UST: variants seen among roughly 807,000 people sequenced by gnomAD.
The protein encoded by UST is uronyl 2-sulfotransferase, also known as chondroitin sulfate 2-O-sulfotransferase.
Under a neutral mutation model 45.6 loss-of-function variants are expected in UST, and 21 were observed. The ratio of observed to expected loss-of-function variants is 0.46; its 90% confidence interval spans 0.33 to 0.66. The LOEUF is 0.66. UST is among the 30% of genes least tolerant of loss of function. The pLI is 0.02. For missense variants in UST, 463 were observed against 512.4 expected (o/e 0.90, Z 0.93); for synonymous variants, 215 against 200.6 (o/e 1.07, Z -0.61).
At chr6:148,904,632 T>G (rs530010369) in intron 2 of UST, among the ~76,000 whole-genome samples, 3 of 152,234 alleles carry the variant, frequency 2.0e-5, no homozygotes, top group African/African-American at 7.2e-5. Flanking sequence ...CAAGCGATTC[T>G]CCTGCCTCAG....
intron 1 of UST, among the ~76,000 whole-genome samples, chr6:148,841,882 A>G (rs1183091456): frequency 6.6e-6 from 1 of 152,208 alleles, no homozygotes; most frequent in East Asian, 1.9e-4. Flanking sequence ...AGGTGGGCAG[A>G]TCACCTGCGG....
chr6:149,057,544 G>A (rs535070817), intron 7 of UST, among the ~76,000 whole-genome samples: 87 of 152,252 alleles, frequency 5.7e-4, no homozygotes, highest in South Asian at 1.9e-3. Context: ...TTGACCTTAG[G>A]GAAACAAGCA....
chr6:148,835,874 A>G lies in UST; in HGVS notation c.248-51112A>G, dbSNP rs559616743. 9.2e-5 allele frequency among the ~76,000 whole-genome samples: 14 copies of G among 152,248 alleles called. No homozygotes were observed. The East Asian group carries it at 2.5e-3, about 27-fold the overall frequency. ...ATTTATGGCTGTTTTTTAAAAAGGG[A>G]TGTTAGAAACTTTGGTTAATTTAAA... On this transcript the variant is annotated intron_variant, in intron 1 of 7. Coordinates refer to ENST00000367463, the MANE Select transcript of UST (RefSeq NM_005715.3).
intron 7 of UST, among the ~76,000 whole-genome samples, chr6:149,036,073 G>A (rs1263970827): frequency 1.3e-5 from 2 of 152,176 alleles, no homozygotes; most frequent in Admixed American, 1.3e-4. Flanking sequence ...CCCAGTGCTG[G>A]GATTTTAGCC....
chr6:148,930,250 C>A (rs1209252900), intron 2 of UST, among the ~76,000 whole-genome samples: 2 of 152,194 alleles, frequency 1.3e-5, no homozygotes, highest in Non-Finnish European at 2.9e-5. Context: ...ATTGTGAGTT[C>A]TTACAGGGCA....
chr6:148,806,502 T>TA (rs1374382742), intron 1 of UST, among the ~76,000 whole-genome samples: 2 of 151,578 alleles, frequency 1.3e-5, no homozygotes, highest in African/African-American at 4.8e-5. Context: ...CTGGCTTTTT[T>TA]TTTTTGGTAT....
Position 148,993,956 on chromosome 6 carries a change from C to CTTTTTT in UST, c.682-25160_682-25155dup, listed in dbSNP as rs57552256. Among the ~76,000 whole-genome samples, 434 of 95,364 alleles carry CTTTTTT rather than the reference C, an allele frequency of 4.6e-3. 35 individuals carry two copies. The highest frequency in any genetic ancestry group is 0.016 in the African/African-American group (346 of 21,862). 62.6% of individuals were successfully genotyped at this position (95,364 alleles called of 152,430 possible). ...TTACCCAGTCTTGAATATTTCTTTC[C>CTTTTTT]TTTTTTTTTTTTTTTTTTTTTTTTT... On this transcript the variant is annotated intron_variant, in intron 5 of 7. Coordinates refer to ENST00000367463, the MANE Select transcript of UST (RefSeq NM_005715.3).
rs1471712916 is a variant in UST at position 148,790,567 on chromosome 6, T to C, written c.247+42890T>C. On this transcript the variant is annotated intron_variant, in intron 1 of 7. Transcript: ENST00000367463. The surrounding 1 kb of genome is among the most constrained non-coding windows in gnomAD (Gnocchi z 4.2). The stretch of plus-strand genomic sequence containing the variant: ...TGCACTGTTAAGGTGCTGTAGCGGA[T>C]GCTGTGATGTGCCACCGTTCAGAGA... Among the ~76,000 whole-genome samples, 1 of 152,190 alleles carries C rather than the reference T, an allele frequency of 6.6e-6. No individual in the cohort carries two copies. Among genetic ancestry groups the C allele is most frequent in the Non-Finnish European group, 1.5e-5 (1 of 68,012 alleles).
intron 6 of UST, among the ~76,000 whole-genome samples, chr6:149,019,448 C>T (rs906320350): frequency 2.6e-5 from 4 of 152,192 alleles, no homozygotes; most frequent in Admixed American, 2.6e-4. Flanking sequence ...GTAGAGGCCT[C>T]AGGAGACCAC....
At position 148,790,185 on chromosome 6, in the gene UST, C is replaced by T. The variant is rs763512944; in HGVS notation, c.247+42508C>T. On this transcript the variant is annotated intron_variant, in intron 1 of 7. Transcript: ENST00000367463. The surrounding 1 kb of genome is among the most constrained non-coding windows in gnomAD (Gnocchi z 4.2). Reference sequence around the variant, plus strand: ...GTTCATGTAGCGTCTCCTCCTAAGGCGGCAGCCTCGCTGGGTGGATTGAGT... The same window carrying T: ...GTTCATGTAGCGTCTCCTCCTAAGGTGGCAGCCTCGCTGGGTGGATTGAGT... Among the ~76,000 whole-genome samples the T allele has an allele frequency of 1.1e-4, 17 of 152,266 alleles. 1 individual carries two copies. Among genetic ancestry groups the T allele is most frequent in the Admixed American group, 5.9e-4 (9 of 15,304 alleles).
chr6:148,816,417 A>G (rs549120930), intron 1 of UST, among the ~76,000 whole-genome samples: 1 of 152,332 alleles, frequency 6.6e-6, no homozygotes, highest in East Asian at 1.9e-4. Context: ...AGAATAATTA[A>G]ATTCCAAATT....
intron 1 of UST, among the ~76,000 whole-genome samples, chr6:148,778,099 T>G (rs1350820403): frequency 6.6e-6 from 1 of 152,190 alleles, no homozygotes; most frequent in Non-Finnish European, 1.5e-5. Context: ...TGCATAGTGG[T>G]AGTTACATAT....
intron 3 of UST, among the ~76,000 whole-genome samples, chr6:148,951,921 T>G (rs1780372757): frequency 6.6e-6 from 1 of 152,258 alleles, no homozygotes; most frequent in African/African-American, 2.4e-5. Context: ...ATCTAACTAC[T>G]ACTATTCTTC....
chr6:148,763,609 T>A (rs1776262813), intron 1 of UST, among the ~76,000 whole-genome samples: 1 of 152,308 alleles, frequency 6.6e-6, no homozygotes, highest in South Asian at 2.1e-4. Flanking sequence ...TAGGTTTTCT[T>A]CTAGGATTCT....
chr6:148,764,942 T>C (rs1260342536), intron 1 of UST, among the ~76,000 whole-genome samples: 1 of 152,164 alleles, frequency 6.6e-6, no homozygotes, highest in Non-Finnish European at 1.5e-5. Context: ...CATCCCTATC[T>C]ATATCTGCAT....
chr6:149,063,402 AT>A (rs1294669845), intron 7 of UST, among the ~76,000 whole-genome samples: 1 of 152,256 alleles, frequency 6.6e-6, no homozygotes, highest in African/African-American at 2.4e-5. Context: ...TTTTAAAAAA[AT>A]ATCAAAAACA....
chr6:149,062,623 G>C (rs1006007432), intron 7 of UST, among the ~76,000 whole-genome samples: 9 of 152,192 alleles, frequency 5.9e-5, no homozygotes, highest in African/African-American at 2.2e-4. Context: ...TTCCCTGAAT[G>C]CCAGAATACA....
intron 7 of UST, among the ~76,000 whole-genome samples, chr6:149,044,254 C>G (rs1239276795): frequency 6.6e-6 from 1 of 152,152 alleles, no homozygotes; most frequent in Non-Finnish European, 1.5e-5. Context: ...CCTGAGACTT[C>G]TACCAGTTCT....
At chr6:148,906,750 G>A (rs1779370645) in intron 2 of UST, among the ~76,000 whole-genome samples, 1 of 152,160 alleles carries the variant, frequency 6.6e-6, no homozygotes, top group Non-Finnish European at 1.5e-5. Flanking sequence ...ATGTACAAGG[G>A]ATCCTATTTG....
Sources: allele counts gnomAD v4.1 joint callset (sites outside exome capture counted in the v4.1 genomes callset), GRCh38; gene constraint gnomAD v4.1.1; non-coding constraint Gnocchi (gnomAD v3.1); transcripts MANE v1.5; gene names NCBI Gene and HGNC (gene_info 2026-07-23, HGNC 2026-07-21).